TSC1: variants seen among roughly 807,000 people sequenced by gnomAD.
The protein encoded by TSC1 is hamartin.
A neutral mutation model predicts 124.3 loss-of-function variants in TSC1; 20 were observed. The observed-to-expected ratio is 0.16, with a 90% CI of 0.11 to 0.23. The LOEUF (loss-of-function observed/expected upper bound fraction) is 0.23, where lower values mean the gene tolerates loss of function less well. TSC1 is among the 10% of genes least tolerant of loss of function. The pLI is 1.00. For missense variants in TSC1, 1,124 were observed against 1,448.5 expected (o/e 0.78, Z 3.64); for synonymous variants, 493 against 539.1 (o/e 0.91, Z 1.19).
At position 132,906,901 on chromosome 9, in the gene TSC1, CT is replaced by C; in HGVS notation, c.1334-67del. 1 of 1,241,508 alleles carries C rather than the reference CT, an allele frequency of 8.1e-7. No homozygotes were observed. 76.9% of individuals were successfully genotyped at this position (1,241,508 alleles called of 1,614,324 possible). A position where few individuals can be genotyped will look rare whatever the true frequency, so the allele number is the denominator to read the frequency against. On this transcript the variant is annotated intron_variant, in intron 13 of 22. Transcript: ENST00000298552. The surrounding 1 kb of genome is among the most constrained non-coding windows in gnomAD (Gnocchi z 4.1). ...TGTAATCCCTGTAAGTGTAAAACTG[CT>C]TACACTGTATAGAATATGTCTGTAA...
rs35234317 is a variant in TSC1 at position 132,908,901 on chromosome 9, C to CTTTTTTTTTTTTTTTTTTTTTTTT, written c.1264-1532_1264-1531insAAAAAAAAAAAAAAAAAAAAAAAA. On this transcript the variant is annotated intron_variant, in intron 12 of 22. Transcript: ENST00000298552. ...TTAAAACCCACTAGTCTACCTTGCACTTTTTTTTTTTTTTTTTGTGACAGT... is the reference window on the plus strand; with the variant it reads ...TTAAAACCCACTAGTCTACCTTGCACTTTTTTTTTTTTTTTTTTTTTTTTTTTTTTTTTTTTTTTTTGTGACAGT... Among the ~76,000 whole-genome samples, 161 of 121,484 alleles carry CTTTTTTTTTTTTTTTTTTTTTTTT rather than the reference C, an allele frequency of 1.3e-3. 5 individuals are homozygous for CTTTTTTTTTTTTTTTTTTTTTTTT. The highest frequency in any genetic ancestry group is 4.6e-3 in the East Asian group (20 of 4,310). 79.7% of individuals were successfully genotyped at this position (121,484 alleles called of 152,430 possible).
At chr9:132,910,168 G>A in intron 12 of TSC1, 1 of 358,510 alleles carries the variant, frequency 2.8e-6, no homozygotes, top group African/African-American at 2.1e-5. Flanking sequence ...AGGCATCATG[G>A]CACATGCCTG....
chr9:132,900,567 T>C (rs1845313020), intron 20 of TSC1, 148 bp downstream of exon 20: 1 of 1,342,822 alleles, frequency 7.4e-7, no homozygotes, highest in Non-Finnish European at 1.1e-6. Flanking sequence ...GGAAAGTGCT[T>C]GTATAGCTGG....
At chr9:132,932,478 T>G (rs570908289) in intron 2 of TSC1, among the ~76,000 whole-genome samples, 1 of 152,326 alleles carries the variant, frequency 6.6e-6, no homozygotes, top group African/African-American at 2.4e-5. Context: ...CCTACAAAAT[T>G]CATTTGCCTC....
chr9:132,901,731 G>A (rs778081370), intron 18 of TSC1, 32 bp from the exon 19 acceptor site: 11 of 1,607,688 alleles, frequency 6.8e-6, no homozygotes, highest in African/African-American at 1.3e-5. Context: ...TGAAGTTTGA[G>A]GAACACCAAC....
intron 2 of TSC1, among the ~76,000 whole-genome samples, chr9:132,929,755 AT>A (rs1847105935): frequency 6.6e-6 from 1 of 151,886 alleles, no homozygotes; most frequent in Admixed American, 6.5e-5. Context: ...CACAAACATC[AT>A]TGTATATACT....
intron 2 of TSC1, among the ~76,000 whole-genome samples, chr9:132,932,141 T>A (rs1256096384): frequency 1.3e-5 from 2 of 152,208 alleles, no homozygotes; most frequent in African/African-American, 2.4e-5. Context: ...AATATTCCAT[T>A]TAGTTTAATA....
intron 1 of TSC1, among the ~76,000 whole-genome samples, chr9:132,942,989 T>C (rs1351091021): frequency 6.6e-6 from 1 of 152,166 alleles, no homozygotes; most frequent in Admixed American, 6.5e-5. Flanking sequence ...CCAGATTTAC[T>C]CAGGAATGTT....
chr9:132,894,638 T>G lies in TSC1; in HGVS notation c.*1597A>C, dbSNP rs1844935451. 4.6e-6 allele frequency: 1 copy of G among 219,534 alleles called. No individual in the cohort carries two copies. Among genetic ancestry groups the G allele is most frequent in the South Asian group, 1.9e-4 (1 of 5,322 alleles). The allele number at this position is 219,534 out of a possible 1,614,324, so 13.6% of individuals were successfully genotyped here. On this transcript the variant is annotated 3_prime_UTR_variant, in exon 23 of 23. Transcript: ENST00000298552. Reference sequence around the variant, plus strand: ...TGCTGGTATAGCTAGGGTGACAGAGTCTCTAACTGTCTAGTCCCCTTTAGT... The same window carrying G: ...TGCTGGTATAGCTAGGGTGACAGAGGCTCTAACTGTCTAGTCCCCTTTAGT...
rs118203740 is a variant in TSC1, at chr9:132,896,808, C to T, written c.2976-54G>A. The T allele has an allele frequency of 1.8e-3, 2,897 of 1,612,742 alleles. 22 individuals are homozygous for T. In the African/African-American group the frequency reaches 0.021, roughly 12 times the overall value. ...AGCTGGTGATTGGACTGTCCACATTCGGAGGATGTGGAATTACACTGACAC... is the reference window on the plus strand; with the variant it reads ...AGCTGGTGATTGGACTGTCCACATTTGGAGGATGTGGAATTACACTGACAC... On this transcript the variant is annotated intron_variant, in intron 22 of 22. Transcript: ENST00000298552. This position sits in a 1 kb window ranked among gnomAD's most constrained non-coding sequence, Gnocchi z 4.5.
At chr9:132,944,904 C>A (rs879813064), upstream of TSC1, 6 of 242,624 alleles carry the variant, frequency 2.5e-5, no homozygotes, top group Admixed American at 5.7e-5. Flanking sequence ...AGGGCCGGCG[C>A]GGCGGGAGGA....
At chr9:132,897,161 A>T in intron 22 of TSC1, 23 bp downstream of exon 22, 1 of 1,613,862 alleles carries the variant, frequency 6.2e-7, no homozygotes, top group Non-Finnish European at 8.5e-7. Flanking sequence ...TCCCAAGGTC[A>T]TGAATCAGTT....
chr9:132,925,360 C>A (rs1846794335), intron 5 of TSC1, among the ~76,000 whole-genome samples: 1 of 152,088 alleles, frequency 6.6e-6, no homozygotes, highest in Non-Finnish European at 1.5e-5. Context: ...CCCATCTGAT[C>A]GAAATTTTTC....
At chr9:132,936,221 C>A (rs1430316413) in intron 1 of TSC1, among the ~76,000 whole-genome samples, 1 of 152,058 alleles carries the variant, frequency 6.6e-6, no homozygotes, top group African/African-American at 2.4e-5. Flanking sequence ...CTCAAGTGAT[C>A]CTCCCACCTC....
At chr9:132,912,564 A>T (rs1846028835) in intron 8 of TSC1, 107 bp from the exon 9 acceptor site, 3 of 1,330,440 alleles carry the variant, frequency 2.3e-6, no homozygotes, top group Non-Finnish European at 2.1e-6. Flanking sequence ...GCAAAGAACA[A>T]GCGGGACCAT....
rs780353405 is a variant in TSC1 at position 132,906,678 on chromosome 9, T to A, written c.1438+53A>T. 1 of 1,471,654 alleles carries A rather than the reference T, an allele frequency of 6.8e-7. No individual in the cohort carries two copies. 91.2% of individuals were successfully genotyped at this position (1,471,654 alleles called of 1,614,324 possible). Reference sequence around the variant, plus strand: ...GCAATGGCACAAAATCCCAGATTTATAGCAGAGCGAGGGTCAGGTTTTATC... The same window carrying A: ...GCAATGGCACAAAATCCCAGATTTAAAGCAGAGCGAGGGTCAGGTTTTATC... On this transcript the variant is annotated intron_variant, in intron 14 of 22. Coordinates refer to ENST00000298552, the MANE Select transcript of TSC1 (RefSeq NM_000368.5). The surrounding 1 kb of genome is among the most constrained non-coding windows in gnomAD (Gnocchi z 4.1).
intron 1 of TSC1, chr9:132,940,872 T>A (rs1319655155): frequency 1.3e-5 from 2 of 152,220 alleles, no homozygotes; most frequent in Non-Finnish European, 2.9e-5. Context: ...TAACTTAAAA[T>A]GGATACAGTT....
At chr9:132,925,414 T>C (rs890743682) in intron 5 of TSC1, among the ~76,000 whole-genome samples, 173 bp downstream of exon 5, 70 of 152,362 alleles carry the variant, frequency 4.6e-4, no homozygotes, top group African/African-American at 1.5e-3. Context: ...AGTGATGTAT[T>C]TGAGAACTTA....
At chr9:132,897,697 G>T in intron 20 of TSC1, 87 bp from the exon 21 acceptor site, 1 of 1,521,418 alleles carries the variant, frequency 6.6e-7, no homozygotes, top group South Asian at 1.2e-5. Flanking sequence ...ATGTAAGAAG[G>T]ACTGAGAAGG....
Sources: allele counts gnomAD v4.1 joint callset (sites outside exome capture counted in the v4.1 genomes callset), GRCh38; gene constraint gnomAD v4.1.1; non-coding constraint Gnocchi (gnomAD v3.1); transcripts MANE v1.5; gene names NCBI Gene and HGNC (gene_info 2026-07-23, HGNC 2026-07-21).